The following ITPR3 variants were observed in gnomAD, a reference collection of about 807,000 sequenced individuals.
The protein encoded by ITPR3 is inositol 1,4,5-trisphosphate-gated calcium channel ITPR3.
ITPR3 carries 173 observed loss-of-function variants against 293.2 expected under a neutral mutation model. The ratio of observed to expected loss-of-function variants is 0.59; its 90% confidence interval spans 0.52 to 0.67. The LOEUF (loss-of-function observed/expected upper bound fraction) is 0.67, where lower values mean the gene tolerates loss of function less well. Ranked by LOEUF, ITPR3 falls within the 30% of genes least tolerant of loss-of-function variation. The pLI, the probability that ITPR3 is intolerant of heterozygous loss-of-function variation, is 0.00. For synonymous variants in ITPR3, 1,295 were observed against 1,444.4 expected (o/e 0.90, Z 2.35); for missense variants, 2,796 against 3,592.1 (o/e 0.78, Z 5.66).
At chr6:33,637,634 ATT>A (rs879322116) in intron 1 of ITPR3, among the ~76,000 whole-genome samples, 1 of 133,136 alleles carries the variant, frequency 7.5e-6, no homozygotes. Flanking sequence ...ACACCCAGCG[ATT>A]TTTTTTTTTT....
chr6:33,691,994 A>G lies in ITPR3; in HGVS notation c.7458+66A>G, dbSNP rs1048916790. 49 of 1,603,048 alleles carry G rather than the reference A, an allele frequency of 3.1e-5. No homozygotes were observed. The highest frequency in any genetic ancestry group is 2.9e-4 in the African/African-American group (22 of 74,798). ...CCACTGTCCAGATCAGCAACTGTGG[A>G]GAGTCCTGTCCTTGGCCTCGCGTCA... On this transcript the variant is annotated intron_variant, in intron 54 of 57. Transcript: ENST00000605930. The surrounding 1 kb of genome is among the most constrained non-coding windows in gnomAD (Gnocchi z 4.9).
intron 1 of ITPR3, among the ~76,000 whole-genome samples, chr6:33,637,813 CTTT>C (rs56694936): frequency 3.6e-5 from 5 of 140,212 alleles, no homozygotes; most frequent in South Asian, 2.3e-4. Flanking sequence ...TTCTTTCTTT[CTTT>C]TTTTTTTTTT....
chr6:33,659,582 G>A (rs1191442894), intron 7 of ITPR3, 33 bp downstream of exon 7: 1 of 1,582,530 alleles, frequency 6.3e-7, no homozygotes. Flanking sequence ...CTGCCCAGCT[G>A]GCCACCTAGC....
At chr6:33,628,970 G>A (rs1040711171) in intron 1 of ITPR3, among the ~76,000 whole-genome samples, 4 of 152,192 alleles carry the variant, frequency 2.6e-5, no homozygotes, top group African/African-American at 7.2e-5. Context: ...GGTAATGGGA[G>A]GGAAAATTAA....
intron 3 of ITPR3, among the ~76,000 whole-genome samples, chr6:33,657,539 C>T (rs1484243314): frequency 1.3e-4 from 16 of 121,292 alleles, no homozygotes; most frequent in African/African-American, 4.5e-4. Flanking sequence ...ACAAGGGTCC[C>T]GTGTCTGGGG....
At position 33,638,946 on chromosome 6, in the gene ITPR3, G is replaced by A. The variant is rs1763885173; in HGVS notation, c.90-1538G>A. ...GCTTCATGGGGCCAGAGTGGAGTGA[G>A]TATTAAGGCACTGCAGGCTGCCAGG... On this transcript the variant is annotated intron_variant, in intron 1 of 57. Transcript: ENST00000605930. This position sits in a 1 kb window ranked among gnomAD's most constrained non-coding sequence, Gnocchi z 4.3. Among the ~76,000 whole-genome samples the A allele has an allele frequency of 6.6e-6, 1 of 152,234 alleles. No individual in the cohort carries two copies. Among genetic ancestry groups the A allele is most frequent in the African/African-American group, 2.4e-5 (1 of 41,470 alleles).
In ITPR3 at chr6:33,670,457, C is replaced by T. The variant is rs757205744; in HGVS notation, c.2322C>T (p.Arg774=). 24 of 1,614,068 alleles carry T rather than the reference C, an allele frequency of 1.5e-5. No individual in the cohort carries two copies. Among genetic ancestry groups the T allele is most frequent in the South Asian group, 5.5e-5 (5 of 91,084 alleles). Reference sequence around the variant, plus strand: ...ACGAGATGCTGCCCTTTGACCTGCGCGCCTCCTTCTGCCACCTGATGCTGC... The same window carrying T: ...ACGAGATGCTGCCCTTTGACCTGCGTGCCTCCTTCTGCCACCTGATGCTGC... The part of the protein sequence containing the change: ...MADEMLPFDL[R]ASFCHLMLHV... Residue 774 remains arginine, a synonymous_variant, in exon 19 of 58, where the codon CGC becomes CGT. Transcript: ENST00000605930. This position sits in a 1 kb window ranked among gnomAD's most constrained non-coding sequence, Gnocchi z 6.7.
Position 33,693,589 on chromosome 6 carries a change from G to T in ITPR3, c.7669G>T (p.Glu2557Ter). Residue 2557 changes from glutamate (E) to a stop codon, truncating the protein, a stop_gained, in exon 56 of 58, where the codon GAA (glutamate) becomes TAA (stop). Coordinates refer to ENST00000605930, the MANE Select transcript of ITPR3 (RefSeq NM_002224.4). LOFTEE classifies it high-confidence loss of function. ...TGATAACAAGACAGTGTCATTTGAG[G>T]AACACATCAAGCTGGAGCACAACAT... is the stretch of plus-strand genomic sequence containing the variant. ...KFDNKTVSFEEHIKLEHNMWN... is the reference protein window; with the variant it reads ...KFDNKTVSFE The T allele has an allele frequency of 6.2e-7, 1 of 1,614,182 alleles. No homozygotes were observed. Among genetic ancestry groups the T allele is most frequent in the Non-Finnish European group, 8.5e-7 (1 of 1,180,038 alleles).
chr6:33,695,373 A>C, intron 57 of ITPR3: 1 of 558,766 alleles, frequency 1.8e-6, no homozygotes, highest in Non-Finnish European at 3.2e-6. Flanking sequence ...AGGTCCTTTG[A>C]GGGGATCCCC....
intron 2 of ITPR3, among the ~76,000 whole-genome samples, chr6:33,642,015 G>T (rs1763963712): frequency 6.6e-6 from 1 of 151,540 alleles, no homozygotes; most frequent in Non-Finnish European, 1.5e-5. Context: ...AGGGATTTCT[G>T]TGTTTTTGTT....
chr6:33,631,142 G>A (rs753608961), intron 1 of ITPR3, among the ~76,000 whole-genome samples: 6 of 152,258 alleles, frequency 3.9e-5, no homozygotes, highest in Non-Finnish European at 7.3e-5. Context: ...CATCTGTGGA[G>A]TGGTGGCCAG....
rs1480759030 is a variant in ITPR3 at position 33,690,921 on chromosome 6, T to C, written c.7037T>C (p.Phe2346Ser). The stretch of plus-strand genomic sequence containing the variant: ...TATCTCAACCCCATCCTGCAGCTCT[T>C]TGACCTCATCTACCGCGAGGAGACG... ...AHELFYSILL[F>S]DLIYREETLF... Residue 2346 changes from phenylalanine to serine, a missense_variant, in exon 52 of 58, where the codon TTT becomes TCT. Physicochemically the swap from Phe to Ser is radical, Grantham distance 155. This residue lies in a region of ITPR3 where 568 missense variants were observed against 796.1 expected (regional missense o/e 0.71). Transcript: ENST00000605930. 10 of 1,613,834 alleles carry C rather than the reference T, an allele frequency of 6.2e-6. No individual in the cohort carries two copies. Among genetic ancestry groups the C allele is most frequent in the Non-Finnish European group, 8.5e-6 (10 of 1,179,908 alleles).
rs1282722855 is a variant in ITPR3, at chr6:33,691,844, G to A, written c.7374G>A (p.Leu2458=). The A allele has an allele frequency of 1.2e-6, 2 of 1,614,138 alleles. No homozygotes were observed. The highest frequency in any genetic ancestry group is 2.2e-5 in the East Asian group (1 of 44,884). The change falls in exon 54 of 58, where the codon CTG becomes CTA. Residue 2458 remains leucine, a synonymous_variant. Transcript: ENST00000605930. The surrounding 1 kb of genome is among the most constrained non-coding windows in gnomAD (Gnocchi z 4.9). ...GCACAGAGCGGGCCTGTGACACTCT[G>A]TTGATGTGCATCGTCACTGTCATGA... The part of the protein sequence containing the change: ...LDSTERACDT[L]LMCIVTVMNH...
chr6:33,640,737 G>A (rs1770278436), intron 2 of ITPR3, among the ~76,000 whole-genome samples, 183 bp downstream of exon 2: 1 of 152,186 alleles, frequency 6.6e-6, no homozygotes, highest in African/African-American at 2.4e-5. Context: ...TGGCACAGAC[G>A]TGCCATTCCC....
chr6:33,695,640 T>C, intron 57 of ITPR3, 72 bp from the exon 58 acceptor site: 1 of 1,465,350 alleles, frequency 6.8e-7, no homozygotes, highest in African/African-American at 1.4e-5. Context: ...GGTGCCAAGC[T>C]CTTCCACAGC....
Position 33,658,887 on chromosome 6 carries a change from G to A in ITPR3, c.528+59G>A. On this transcript the variant is annotated intron_variant, in intron 5 of 57. Coordinates refer to ENST00000605930, the MANE Select transcript of ITPR3 (RefSeq NM_002224.4). The surrounding 1 kb of genome is among the most constrained non-coding windows in gnomAD (Gnocchi z 6.1). Reference sequence around the variant, plus strand: ...GGAACTCCCGAGGGGCTTCTGTAGGGTCTTCGGTGTGGGGACTGGATAAGG... The same window carrying A: ...GGAACTCCCGAGGGGCTTCTGTAGGATCTTCGGTGTGGGGACTGGATAAGG... 6.2e-7 allele frequency: 1 copy of A among 1,606,682 alleles called. No homozygotes were observed. The highest frequency in any genetic ancestry group is 1.1e-5 in the South Asian group (1 of 90,558).
chr6:33,658,193 C>CTG lies in ITPR3; in HGVS notation c.369+180_369+181dup, dbSNP rs1287353164. On this transcript the variant is annotated intron_variant, in intron 4 of 57. Coordinates refer to ENST00000605930, the MANE Select transcript of ITPR3 (RefSeq NM_002224.4). This position sits in a 1 kb window ranked among gnomAD's most constrained non-coding sequence, Gnocchi z 6.1. The stretch of plus-strand genomic sequence containing the variant: ...CGTCTGACTGTGTGTGTGTCTGTTG[C>CTG]TGTGTGGCCTGAGTAGCTGTGCCAT... 6.6e-6 allele frequency among the ~76,000 whole-genome samples: 1 copy of CTG among 152,156 alleles called. No homozygotes were observed. The highest frequency in any genetic ancestry group is 1.9e-4 in the East Asian group (1 of 5,190).
chr6:33,686,381 C>T (rs772658878), intron 42 of ITPR3, 28 bp from the exon 43 acceptor site: 5 of 1,603,116 alleles, frequency 3.1e-6, no homozygotes, highest in Non-Finnish European at 4.3e-6. Flanking sequence ...AGGGCCTGGG[C>T]CCTGTGTCCC....
In ITPR3 at chr6:33,671,171, A is replaced by C. The variant is rs202195536; in HGVS notation, c.2593A>C (p.Ser865Arg). The C allele has an allele frequency of 2.0e-4, 330 of 1,613,248 alleles. No individual in the cohort carries two copies. Among genetic ancestry groups the C allele is most frequent in the Admixed American group, 2.8e-4 (17 of 59,978 alleles). The change falls in exon 21 of 58, where the codon AGC becomes CGC. Residue 865 changes from serine (S) to arginine (R), a missense_variant. This residue lies in a region of ITPR3 where 955 missense variants were observed against 1,180.8 expected (regional missense o/e 0.81). Transcript: ENST00000605930. ...GGCCACGCCCCCTTCGCAGGTGGTC[A>C]GCCTGGCGCACAATCTCATCTACTT... is the stretch of plus-strand genomic sequence containing the variant. ...EKNKLTFEVVSLAHNLIYFGF... is the reference protein window; with the variant it reads ...EKNKLTFEVVRLAHNLIYFGF...
Sources: gnomAD v4.1 joint callset for allele counts (sites outside exome capture counted in the v4.1 genomes callset) on GRCh38, gnomAD v4.1.1 for gene constraint, gnomAD v4.1.1 regional missense constraint, Gnocchi (gnomAD v3.1) non-coding constraint, MANE v1.5 for transcripts, NCBI Gene and HGNC (gene_info 2026-07-23, HGNC 2026-07-21) for gene names.